The following NYAP2 variants were observed in gnomAD, a reference collection of about 807,000 sequenced individuals.
NYAP2 encodes the protein neuronal tyrosine-phosphorylated phosphoinositide-3-kinase adaptor 2.
In NYAP2, 23 loss-of-function variants were observed where a neutral mutation model predicts 50.4. The ratio of observed to expected loss-of-function variants is 0.46; its 90% CI spans 0.33 to 0.65. NYAP2 has a LOEUF of 0.65. NYAP2 is among the 30% of genes least tolerant of loss of function. NYAP2 has a pLI of 0.02. For synonymous variants in NYAP2, 394 were observed against 365.2 expected (o/e 1.08, Z -0.90); for missense variants, 885 against 861.0 (o/e 1.03, Z -0.35).
rs550976907 is a variant in NYAP2, at chr2:225,453,451, T to C, written c.221+44350T>C. The stretch of plus-strand genomic sequence containing the variant: ...GCCAATCCTGAAAAATATTAACTCT[T>C]GCTTGTGACAATTAATTATGAAAAT... On this transcript the variant is annotated intron_variant, in intron 3 of 6. Transcript: ENST00000636099. 8.5e-5 allele frequency among the ~76,000 whole-genome samples: 13 copies of C among 152,288 alleles called. No individual in the cohort carries two copies. The South Asian group carries it at 2.3e-3, about 27-fold the overall frequency.
chr2:225,513,274 T>C (rs1690864904), intron 3 of NYAP2, 97 bp from the exon 4 acceptor site: 4 of 1,099,308 alleles, frequency 3.6e-6, no homozygotes, highest in Non-Finnish European at 5.3e-6. Context: ...AAAATGAAGA[T>C]TTGAAATTTT....
intron 3 of NYAP2, among the ~76,000 whole-genome samples, chr2:225,459,113 T>C (rs1413209397): frequency 6.6e-6 from 1 of 152,266 alleles, no homozygotes. Flanking sequence ...TGTATCATAC[T>C]GTGTTATATG....
At chr2:225,493,620 G>A (rs1419255608) in intron 3 of NYAP2, among the ~76,000 whole-genome samples, 1 of 152,154 alleles carries the variant, frequency 6.6e-6, no homozygotes, top group African/African-American at 2.4e-5. Context: ...CTGGATTCGT[G>A]CATTTGCGCA....
chr2:225,534,976 A>G (rs946815781), intron 4 of NYAP2, among the ~76,000 whole-genome samples: 1 of 152,192 alleles, frequency 6.6e-6, no homozygotes, highest in African/African-American at 2.4e-5. Flanking sequence ...AGCCTTTGCA[A>G]CTTGTCAGAG....
intron 5 of NYAP2, among the ~76,000 whole-genome samples, chr2:225,598,324 T>A (rs936073658): frequency 6.6e-6 from 1 of 152,228 alleles, no homozygotes; most frequent in Non-Finnish European, 1.5e-5. Flanking sequence ...AATGTCCTGG[T>A]TACAAACAAT....
chr2:225,600,365 T>A (rs910227564), intron 5 of NYAP2, among the ~76,000 whole-genome samples: 2 of 152,130 alleles, frequency 1.3e-5, no homozygotes, highest in Non-Finnish European at 2.9e-5. Flanking sequence ...CCAAGAGCAA[T>A]TTGGGAAGGG....
intron 4 of NYAP2, among the ~76,000 whole-genome samples, chr2:225,533,069 A>C (rs192571160): frequency 7.2e-5 from 11 of 152,358 alleles, no homozygotes; most frequent in Non-Finnish European, 1.6e-4. Flanking sequence ...GTATTTTGTG[A>C]GCATAGATCA....
In NYAP2 at chr2:225,538,822, CTTTCTTTCTTTCTTTCTTTCTTTCTTTG is replaced by C. The variant is rs1424167713; in HGVS notation, c.523+25154_523+25181del. Among the ~76,000 whole-genome samples the C allele has an allele frequency of 8.1e-3, 582 of 72,254 alleles. 33 individuals are homozygous for C. The highest frequency in any genetic ancestry group is 0.033 in the African/African-American group (550 of 16,686). The allele number at this position is 72,254 out of a possible 152,430, so 47.4% of individuals were successfully genotyped here. On this transcript the variant is annotated intron_variant, in intron 4 of 6. Coordinates refer to ENST00000636099, the Ensembl canonical transcript of NYAP2. ...TCTTTCTTTCTTTCTTTCTTTCTTT[CTTTCTTTCTTTCTTTCTTTCTTTCTTTG>C]TTTTTATTATTATACTTTAAGTTCT...
intron 5 of NYAP2, among the ~76,000 whole-genome samples, chr2:225,625,261 T>C (rs1431106442): frequency 6.6e-6 from 1 of 152,100 alleles, no homozygotes; most frequent in Non-Finnish European, 1.5e-5. Flanking sequence ...ATTTCCTACA[T>C]AGATTAGAAT....
chr2:225,547,298 C>T (rs1412222354), intron 4 of NYAP2, among the ~76,000 whole-genome samples: 2 of 152,160 alleles, frequency 1.3e-5, no homozygotes, highest in Non-Finnish European at 2.9e-5. Context: ...GGCATAAGCA[C>T]CCCCTTGGAC....
chr2:225,544,785 C>T (rs1444967760), intron 4 of NYAP2, among the ~76,000 whole-genome samples: 2 of 151,964 alleles, frequency 1.3e-5, no homozygotes, highest in African/African-American at 4.8e-5. Context: ...TAGTTTTTTA[C>T]CTTCATGTGA....
intron 4 of NYAP2, among the ~76,000 whole-genome samples, chr2:225,518,324 A>T (rs774790396): frequency 6.6e-6 from 1 of 151,572 alleles, no homozygotes; most frequent in Non-Finnish European, 1.5e-5. Flanking sequence ...AGAAGTAAAG[A>T]GTAGCCTGGT....
intron 2 of NYAP2, among the ~76,000 whole-genome samples, chr2:225,408,073 G>A (rs1336366586): frequency 6.6e-6 from 1 of 151,894 alleles, no homozygotes; most frequent in African/African-American, 2.4e-5. Flanking sequence ...ATATATACTA[G>A]TTGAAATTCC....
chr2:225,587,114 A>G (rs1007158589), intron 5 of NYAP2, among the ~76,000 whole-genome samples: 3 of 152,178 alleles, frequency 2.0e-5, no homozygotes, highest in Non-Finnish European at 4.4e-5. Context: ...AACCACCCCC[A>G]TGATTCAATC....
rs771022509 is a variant in NYAP2, at chr2:225,513,391, G to A, written c.242G>A (p.Arg81Gln). ...TACAGCATAGGTGGAGAAGTAGGGC[G>A]AGGCCACGAAGGAAGTTACGTGGGC... The change falls in exon 4 of 7, where the codon CGA (arginine) becomes CAA (glutamine). Residue 81 changes from arginine to glutamine, a missense_variant. Physicochemically the swap from Arg to Gln is conservative, Grantham distance 43. Transcript: ENST00000636099. The A allele has an allele frequency of 8.7e-6, 14 of 1,613,820 alleles. No individual in the cohort carries two copies. The highest frequency in any genetic ancestry group is 4.0e-5 in the African/African-American group (3 of 74,916).
chr2:225,582,881 C>A lies in NYAP2; in HGVS notation c.1464C>A (p.Val488=). 1 of 1,613,680 alleles carries A rather than the reference C, an allele frequency of 6.2e-7. No individual in the cohort carries two copies. Among genetic ancestry groups the A allele is most frequent in the Admixed American group, 1.7e-5 (1 of 60,032 alleles). Reference sequence around the variant, plus strand: ...TGTCGCAAGATGGGGCCAAGATGGTCAACGCCGCGGTGAACACCTACGGGG... The same window carrying A: ...TGTCGCAAGATGGGGCCAAGATGGTAAACGCCGCGGTGAACACCTACGGGG... Residue 488 remains valine, a synonymous_variant, in exon 5 of 7, where the codon GTC becomes GTA. Transcript: ENST00000636099. The surrounding 1 kb of genome is among the most constrained non-coding windows in gnomAD (Gnocchi z 7.0).
chr2:225,611,892 G>C (rs1377391701), intron 5 of NYAP2, among the ~76,000 whole-genome samples: 5 of 130,442 alleles, frequency 3.8e-5, no homozygotes, highest in Non-Finnish European at 7.9e-5. Context: ...ATATATGTGT[G>C]TGTGTGTATA....
At chr2:225,698,113 G>A in the NYAP2 span, 1 of 152,018 alleles carries the variant, frequency 6.6e-6, no homozygotes, top group Admixed American at 6.6e-5. Flanking sequence ...AGGAGGTTGA[G>A]GCTGCTGTGA....
At chr2:225,569,227 A>G (rs78468604) in intron 4 of NYAP2, among the ~76,000 whole-genome samples, 16,416 of 152,224 alleles carry the variant, frequency 0.11, 1,012 homozygotes, top group South Asian at 0.13. Context: ...ATAGAAGACA[A>G]TGGCTTATGA....
Sources: gnomAD v4.1 joint callset for allele counts (sites outside exome capture counted in the v4.1 genomes callset) on GRCh38, gnomAD v4.1.1 for gene constraint, Gnocchi (gnomAD v3.1) non-coding constraint, MANE v1.5 for transcripts, NCBI Gene and HGNC (gene_info 2026-07-23, HGNC 2026-07-21) for gene names.